The following TENM2 variants were observed in gnomAD, a reference collection of about 807,000 sequenced individuals.
TENM2 encodes the protein teneurin transmembrane protein 2, also known as teneurin-2.
In TENM2, 52 loss-of-function variants were observed where a neutral mutation model predicts 245.2. The observed-to-expected ratio is 0.21, with a 90% CI of 0.17 to 0.27. TENM2 has a LOEUF of 0.27. Ranked by LOEUF, TENM2 falls within the 10% of genes least tolerant of loss-of-function variation. The pLI is 1.00. For missense variants in TENM2, 3,046 were observed against 3,666.8 expected (o/e 0.83, Z 4.37); for synonymous variants, 1,363 against 1,438.9 (o/e 0.95, Z 1.19).
intron 4 of TENM2, among the ~76,000 whole-genome samples, chr5:167,969,075 A>G (rs1388397160): frequency 6.6e-6 from 1 of 152,122 alleles, no homozygotes; most frequent in Non-Finnish European, 1.5e-5. Flanking sequence ...TGAAATGCCG[A>G]CTTTGTGCCC....
the TENM2 span, among the ~76,000 whole-genome samples, chr5:167,139,100 C>T: frequency 6.6e-6 from 1 of 152,186 alleles, no homozygotes; most frequent in African/African-American, 2.4e-5. Context: ...GACACAGACT[C>T]ATTTTCTTGG....
At chr5:167,727,993 G>A (rs1171116305) in intron 2 of TENM2, among the ~76,000 whole-genome samples, 1 of 152,150 alleles carries the variant, frequency 6.6e-6, no homozygotes, top group African/African-American at 2.4e-5. Context: ...TTATGCAGGT[G>A]TGACTTACAG....
intron 27 of TENM2, among the ~76,000 whole-genome samples, chr5:168,252,828 CAA>C (rs1767239532): frequency 6.8e-6 from 1 of 147,188 alleles, no homozygotes; most frequent in Non-Finnish European, 1.5e-5. Context: ...GTCTGAGAAA[CAA>C]GAGCGAAACT....
At chr5:168,236,940 A>T (rs1198587003) in intron 25 of TENM2, among the ~76,000 whole-genome samples, 1 of 584 alleles carries the variant, frequency 1.7e-3, no homozygotes, top group Non-Finnish European at 3.4e-3. Flanking sequence ...TGTCCTAATC[A>T]TATATATATA....
At position 168,168,660 on chromosome 5, in the gene TENM2, C is replaced by T. The variant is rs562923180; in HGVS notation, c.2569+5903C>T. Among the ~76,000 whole-genome samples the T allele has an allele frequency of 1.0e-4, 14 of 134,036 alleles. No homozygotes were observed. The East Asian group carries it at 2.0e-3, about 19-fold the overall frequency. The allele number at this position is 134,036 out of a possible 152,430, so 87.9% of individuals were successfully genotyped here. A position where few individuals can be genotyped will look rare whatever the true frequency, so the allele number is the denominator to read the frequency against. On this transcript the variant is annotated intron_variant, in intron 13 of 28. Transcript: ENST00000518659. ...TTGTGCTATTACACTCCAGCCTGGG[C>T]GACAGAGTGAGACCCTGTCTCAAAA...
intron 2 of TENM2, among the ~76,000 whole-genome samples, chr5:167,458,309 A>C (rs1766045462): frequency 6.7e-6 from 1 of 148,538 alleles, no homozygotes; most frequent in African/African-American, 2.4e-5. Context: ...CAACATGGTG[A>C]AACCCTGTCT....
chr5:167,582,850 C>T (rs980908752), intron 2 of TENM2, among the ~76,000 whole-genome samples: 5 of 152,168 alleles, frequency 3.3e-5, no homozygotes, highest in Admixed American at 3.3e-4. Context: ...CTTTTAGCTG[C>T]CAATTCAGTC....
chr5:167,952,963 G>C, intron 4 of TENM2, 141 bp downstream of exon 6: 1 of 685,128 alleles, frequency 1.5e-6, no homozygotes, highest in Non-Finnish European at 2.5e-6. Flanking sequence ...CCACCTCCTT[G>C]TTCCCTTGGT....
intron 2 of TENM2, among the ~76,000 whole-genome samples, chr5:167,445,336 T>TATAGAGAGAGAGAGAGAGAG (rs368881390): frequency 1.9e-4 from 15 of 77,288 alleles, no homozygotes; most frequent in South Asian, 5.3e-4. Flanking sequence ...TATATATATA[T>TATAGAGAGAGAGAGAGAGAG]AGAGAGAGAG....
intron 13 of TENM2, among the ~76,000 whole-genome samples, chr5:168,185,874 A>G (rs1760344070): frequency 6.9e-6 from 1 of 145,880 alleles, no homozygotes; most frequent in Non-Finnish European, 1.5e-5. Flanking sequence ...GTTTCTGGTT[A>G]TAGTTATAGT....
chr5:167,445,369 A>AGAGAGAGAGAGAGAGAGAGAGAGT lies in TENM2; in HGVS notation c.502+69897_502+69898insAGAGAGAGAGAGAGAGAGAGAGTG, dbSNP rs35699708. On this transcript the variant is annotated intron_variant, in intron 2 of 28. Coordinates refer to ENST00000518659, the Ensembl canonical transcript of TENM2. ...GAGAGAGAGAGAGAGAGAGAGAGAGAGTGTCAGGTGTTGTCTTGTTGTTGG... is the reference window on the plus strand; with the variant it reads ...GAGAGAGAGAGAGAGAGAGAGAGAGAGAGAGAGAGAGAGAGAGAGAGAGTGTGTCAGGTGTTGTCTTGTTGTTGG... Among the ~76,000 whole-genome samples the AGAGAGAGAGAGAGAGAGAGAGAGT allele has an allele frequency of 3.7e-3, 361 of 98,244 alleles. 7 individuals are homozygous for AGAGAGAGAGAGAGAGAGAGAGAGT. The highest frequency in any genetic ancestry group is 7.4e-3 in the African/African-American group (146 of 19,748). The allele number at this position is 98,244 out of a possible 152,430, so 64.5% of individuals were successfully genotyped here. A position where few individuals can be genotyped will look rare whatever the true frequency, so the allele number is the denominator to read the frequency against.
At chr5:167,091,034 C>A in the TENM2 span, among the ~76,000 whole-genome samples, 1 of 152,134 alleles carries the variant, frequency 6.6e-6, no homozygotes, top group South Asian at 2.1e-4. Context: ...ATGTTTGGCA[C>A]ATGCCTGGCT....
chr5:167,916,353 T>C (rs1776935158), intron 3 of TENM2, among the ~76,000 whole-genome samples: 1 of 152,154 alleles, frequency 6.6e-6, no homozygotes, highest in Non-Finnish European at 1.5e-5. Context: ...ACTACATTTT[T>C]GTTCAATGAG....
At position 168,185,915 on chromosome 5, in the gene TENM2, CATATAT is replaced by C. The variant is rs200942772; in HGVS notation, c.2570-4377_2570-4372del. 4.6e-3 allele frequency among the ~76,000 whole-genome samples: 338 copies of C among 73,482 alleles called. 1 individual carries two copies. Among genetic ancestry groups the C allele is most frequent in the Middle Eastern group, 7.6e-3 (1 of 132 alleles). 48.2% of individuals were successfully genotyped at this position (73,482 alleles called of 152,430 possible). A position where few individuals can be genotyped will look rare whatever the true frequency, so the allele number is the denominator to read the frequency against. ...GGACATATACTATATACCAGACTGA[CATATAT>C]ATATATATATATATATATATATATA... On this transcript the variant is annotated intron_variant, in intron 13 of 28. Coordinates refer to ENST00000518659, the Ensembl canonical transcript of TENM2.
At chr5:167,504,391 A>C (rs1000537677) in intron 2 of TENM2, among the ~76,000 whole-genome samples, 9 of 152,200 alleles carry the variant, frequency 5.9e-5, no homozygotes, top group African/African-American at 2.2e-4. Context: ...CTTTTACTTT[A>C]GTATAAAACT....
chr5:167,611,516 G>A (rs750558092), intron 2 of TENM2, among the ~76,000 whole-genome samples: 5 of 152,080 alleles, frequency 3.3e-5, no homozygotes, highest in Admixed American at 3.3e-4. Context: ...GGGTTGAGAT[G>A]TTCATGCCAG....
intron 25 of TENM2, among the ~76,000 whole-genome samples, chr5:168,239,119 G>A (rs189897311): frequency 6.6e-6 from 1 of 152,070 alleles, no homozygotes; most frequent in African/African-American, 2.4e-5. Flanking sequence ...AAACTGGGGG[G>A]GCAGGTATCC....
the TENM2 span, among the ~76,000 whole-genome samples, chr5:167,084,329 A>ATATATATATATATATG: frequency 1.0e-4 from 6 of 57,670 alleles, no homozygotes; most frequent in Non-Finnish European, 1.9e-4. Flanking sequence ...CATTTTAGTT[A>ATATATATATATATATG]TATATATATA....
At chr5:167,385,469 T>A (rs1488266828) in intron 2 of TENM2, among the ~76,000 whole-genome samples, 1 of 151,928 alleles carries the variant, frequency 6.6e-6, no homozygotes, top group Non-Finnish European at 1.5e-5. Flanking sequence ...CATTTTAACT[T>A]TTGGAGTATA....
Sources: allele counts gnomAD v4.1 joint callset (sites outside exome capture counted in the v4.1 genomes callset), GRCh38; gene constraint gnomAD v4.1.1; transcripts MANE v1.5; gene names NCBI Gene and HGNC (gene_info 2026-07-23, HGNC 2026-07-21).